Variants in BCL2L11 observed in about 807,000 individuals in gnomAD.
The protein encoded by BCL2L11 is bcl-2-like protein 11.
Under a neutral mutation model 20.6 loss-of-function variants are expected in BCL2L11, and 15 were observed. The observed-to-expected ratio is 0.73, with a 90% CI of 0.49 to 1.12. The LOEUF (loss-of-function observed/expected upper bound fraction) is 1.12. Among genes scored for constraint, BCL2L11 ranks in the 50% most tolerant of loss-of-function variants. The pLI, the probability that BCL2L11 is intolerant of heterozygous loss-of-function variation, is 0.00. For missense variants in BCL2L11, 292 were observed against 260.9 expected (o/e 1.12, Z -0.82); for synonymous variants, 108 against 92.8 (o/e 1.16, Z -0.94).
chr2:111,161,937 A>G (rs576225642), intron 3 of BCL2L11, among the ~76,000 whole-genome samples: 1 of 152,284 alleles, frequency 6.6e-6, no homozygotes, highest in Non-Finnish European at 1.5e-5. Context: ...TGGCGCTTTG[A>G]GCAGCGTTGA....
intron 2 of BCL2L11, among the ~76,000 whole-genome samples, chr2:111,147,327 A>ATCTC (rs367737247): frequency 0.026 from 3,221 of 125,612 alleles, 81 homozygotes; most frequent in East Asian, 0.057. Context: ...AGCCTCCTGT[A>ATCTC]TCTCTCTCTC....
chr2:111,121,918 G>A (rs548542426), intron 1 of BCL2L11, among the ~76,000 whole-genome samples: 3 of 152,318 alleles, frequency 2.0e-5, no homozygotes, highest in African/African-American at 4.8e-5. Context: ...CCTGGGCCGG[G>A]CTATCTTAGC....
intron 2 of BCL2L11, among the ~76,000 whole-genome samples, chr2:111,125,325 G>T (rs1033253729): frequency 6.6e-6 from 1 of 152,222 alleles, no homozygotes; most frequent in African/African-American, 2.4e-5. Flanking sequence ...TTGGTGAGGG[G>T]CTGAGTCTGT....
At chr2:111,134,779 G>T (rs766625462) in intron 2 of BCL2L11, among the ~76,000 whole-genome samples, 1 of 152,212 alleles carries the variant, frequency 6.6e-6, no homozygotes, top group African/African-American at 2.4e-5. Flanking sequence ...ATATCTTCAC[G>T]GAAGATAGAA....
At chr2:111,144,032 A>C (rs2076191016) in intron 2 of BCL2L11, among the ~76,000 whole-genome samples, 1 of 152,200 alleles carries the variant, frequency 6.6e-6, no homozygotes, top group Non-Finnish European at 1.5e-5. Flanking sequence ...AAATTGATGA[A>C]AGCTGTTTCT....
Position 111,164,254 on chromosome 2 carries a change from T to A in BCL2L11, c.*23T>A, listed in dbSNP as rs745731464. ...TGACAGGTTCTTTGCGGAGCCGAGA[T>A]ACCATGCAGACATTTTGCTTGTTCA... On this transcript the variant is annotated 3_prime_UTR_variant, in exon 4 of 4. Transcript: ENST00000393256. The A allele has an allele frequency of 6.5e-7, 1 of 1,539,162 alleles. No homozygotes were observed. Among genetic ancestry groups the A allele is most frequent in the Non-Finnish European group, 9.0e-7 (1 of 1,111,742 alleles).
chr2:111,147,346 T>TCTCTCACACACACA (rs760779894), intron 2 of BCL2L11, among the ~76,000 whole-genome samples: 2 of 137,408 alleles, frequency 1.5e-5, no homozygotes, highest in African/African-American at 5.7e-5. Context: ...TCTCTCTCTC[T>TCTCTCACACACACA]CACACACACA....
intron 2 of BCL2L11, among the ~76,000 whole-genome samples, chr2:111,137,967 C>G (rs10204044): frequency 0.71 from 107,390 of 150,644 alleles, 39,393 homozygotes; most frequent in African/African-American, 0.87. Context: ...GTTGTATTTT[C>G]GTTACAGGTG....
chr2:111,132,830 A>G (rs62163310), intron 2 of BCL2L11, among the ~76,000 whole-genome samples: 25 of 152,256 alleles, frequency 1.6e-4, no homozygotes, highest in Non-Finnish European at 2.6e-4. Flanking sequence ...TTGTAAGGGA[A>G]CTGTGTAGAC....
chr2:111,122,657 G>A, intron 1 of BCL2L11: 1 of 983,912 alleles, frequency 1.0e-6, no homozygotes, highest in Non-Finnish European at 1.2e-6. Context: ...GGCGGAGGAT[G>A]TTCCCGGCGG....
chr2:111,167,092 G>A lies in BCL2L11; in HGVS notation c.*2861G>A, dbSNP rs1332900885. 6.6e-6 allele frequency: 1 copy of A among 152,472 alleles called. No homozygotes were observed. Among genetic ancestry groups the A allele is most frequent in the East Asian group, 1.9e-4 (1 of 5,194 alleles). The allele number at this position is 152,472 out of a possible 1,614,324, so 9.4% of individuals were successfully genotyped here. On this transcript the variant is annotated 3_prime_UTR_variant, in exon 4 of 4. Coordinates refer to ENST00000393256, the MANE Select transcript of BCL2L11 (RefSeq NM_138621.5). ...TAATGCTGTAACTTGTAGAAATATT[G>A]TATATTTATTTTCTGCTTATTTAAT...
chr2:111,120,988 C>CGCCGCCGCCGCCGCT lies in BCL2L11; in HGVS notation c.-200_-199insTGCCGCCGCCGCCGC, dbSNP rs1558996626. The CGCCGCCGCCGCCGCT allele has an allele frequency of 1.5e-3, 500 of 329,356 alleles. 4 individuals are homozygous for CGCCGCCGCCGCCGCT. The highest frequency in any genetic ancestry group is 0.011 in the African/African-American group (434 of 40,616). The allele number at this position is 329,356 out of a possible 1,614,324, so 20.4% of individuals were successfully genotyped here. A position where few individuals can be genotyped will look rare whatever the true frequency, so the allele number is the denominator to read the frequency against. On this transcript the variant is annotated 5_prime_UTR_variant, in exon 1 of 4. Coordinates refer to ENST00000393256, the MANE Select transcript of BCL2L11 (RefSeq NM_138621.5). The stretch of plus-strand genomic sequence containing the variant: ...CCAGCGCCGCTGCCGCTGCCGCCGC[C>CGCCGCCGCCGCCGCT]GCCGCCGCCGCCGCCGCCGCCGCCG...
intron 2 of BCL2L11, among the ~76,000 whole-genome samples, chr2:111,141,098 C>T (rs1427920144): frequency 2.6e-5 from 4 of 152,214 alleles, no homozygotes; most frequent in African/African-American, 9.6e-5. Context: ...GGGCAAATGC[C>T]TTAGCCTGCC....
At chr2:111,149,297 A>G (rs1312743449) in intron 2 of BCL2L11, among the ~76,000 whole-genome samples, 1 of 152,178 alleles carries the variant, frequency 6.6e-6, no homozygotes, top group Non-Finnish European at 1.5e-5. Context: ...CTGGGTGTGA[A>G]TGTTAGTGAC....
chr2:111,150,146 G>A lies in BCL2L11; in HGVS notation c.497G>A (p.Arg166Lys). 1 of 1,613,462 alleles carries A rather than the reference G, an allele frequency of 6.2e-7. No homozygotes were observed. The highest frequency in any genetic ancestry group is 1.1e-5 in the South Asian group (1 of 91,040). ...GDEFNAYYAR[R>K]VFLNNYQAAE... ...GAGTTTAACGCTTACTATGCAAGGA[G>A]GGTAATGATGTTTTCTTTACCCGCT... is the stretch of plus-strand genomic sequence containing the variant. The change falls in exon 3 of 4, where the codon AGG (arginine) becomes AAG (lysine). Residue 166 changes from arginine to lysine, a missense_variant and splice_region_variant. By Grantham distance (26) the Arg-to-Lys change is conservative (BLOSUM62 2). Transcript: ENST00000393256.
In BCL2L11 at chr2:111,164,264, A is replaced by C; in HGVS notation, c.*33A>C. On this transcript the variant is annotated 3_prime_UTR_variant, in exon 4 of 4. Transcript: ENST00000393256. ...TTTGCGGAGCCGAGATACCATGCAG[A>C]CATTTTGCTTGTTCAAACCAACAAG... 1 of 1,511,008 alleles carries C rather than the reference A, an allele frequency of 6.6e-7. No homozygotes were observed. Among genetic ancestry groups the C allele is most frequent in the Non-Finnish European group, 9.2e-7 (1 of 1,086,322 alleles). The allele number at this position is 1,511,008 out of a possible 1,614,324, so 93.6% of individuals were successfully genotyped here.
chr2:111,128,722 G>C, intron 2 of BCL2L11: 1 of 1,548,916 alleles, frequency 6.5e-7, no homozygotes, highest in Non-Finnish European at 8.7e-7. Flanking sequence ...TCAAGATACA[G>C]AACAACTCAA....
chr2:111,129,223 T>G (rs755278269), intron 2 of BCL2L11, among the ~76,000 whole-genome samples: 4 of 152,222 alleles, frequency 2.6e-5, no homozygotes, highest in Non-Finnish European at 5.9e-5. Context: ...CTCAGCACCT[T>G]CAGGCTGCCT....
chr2:111,158,051 C>T (rs1489601807), intron 3 of BCL2L11, among the ~76,000 whole-genome samples: 1 of 152,214 alleles, frequency 6.6e-6, no homozygotes, highest in African/African-American at 2.4e-5. Context: ...GTAGCAATCT[C>T]CTCTGACACC....
Sources: allele counts gnomAD v4.1 joint callset (sites outside exome capture counted in the v4.1 genomes callset), GRCh38; gene constraint gnomAD v4.1.1; transcripts MANE v1.5; gene names NCBI Gene and HGNC (gene_info 2026-07-23, HGNC 2026-07-21).